Variants in ZNF487 observed in about 807,000 individuals in gnomAD.
The protein encoded by ZNF487 is zinc finger protein 487.
ZNF487 carries 4 observed loss-of-function variants against 3.0 expected under a neutral mutation model. The observed-to-expected ratio is 1.35, with a 90% CI of 0.66 to 3.08. ZNF487 has a LOEUF of 3.08. Among genes scored for constraint, ZNF487 ranks in the 30% most tolerant of loss-of-function variants. The pLI, the probability that ZNF487 is intolerant of heterozygous loss-of-function variation, is 0.01. For synonymous variants in ZNF487, 55 were observed against 34.6 expected, an observed-to-expected ratio of 1.59 and a Z score of -2.06; for missense variants, 146 against 98.7, an observed-to-expected ratio of 1.48 and a Z score of -2.03.
the ZNF487 span, among the ~76,000 whole-genome samples, chr10:43,508,931 G>A: frequency 4.6e-3 from 706 of 152,160 alleles, 3 homozygotes; most frequent in Middle Eastern, 0.02. Flanking sequence ...TTAAGGCTGG[G>A]CACGGTGGCT....
intron 1 of ZNF487, among the ~76,000 whole-genome samples, chr10:43,447,943 G>T (rs571292636): frequency 6.6e-6 from 1 of 151,664 alleles, no homozygotes; most frequent in South Asian, 2.1e-4. Flanking sequence ...CTATCTCTTA[G>T]GGATTACTCT....
chr10:43,466,048 C>T (rs773347712), intron 1 of ZNF487, among the ~76,000 whole-genome samples: 2 of 152,176 alleles, frequency 1.3e-5, no homozygotes, highest in East Asian at 3.9e-4. Flanking sequence ...ACCAGTCAGG[C>T]GTGGCGGTGC....
chr10:43,491,636 A>G, the ZNF487 span, among the ~76,000 whole-genome samples: 1 of 151,598 alleles, frequency 6.6e-6, no homozygotes, highest in African/African-American at 2.4e-5. Flanking sequence ...CTTTCTTTGC[A>G]CTTCCCAGTC....
At chr10:43,493,708 AAATAT>A in the ZNF487 span, among the ~76,000 whole-genome samples, 20 of 43,884 alleles carry the variant, frequency 4.6e-4, no homozygotes, top group South Asian at 1.2e-3. Flanking sequence ...AAAAAAAAAA[AAATAT>A]ATATATATAT....
At chr10:43,497,907 C>T in the ZNF487 span, among the ~76,000 whole-genome samples, 3 of 149,132 alleles carry the variant, frequency 2.0e-5, no homozygotes, top group Non-Finnish European at 4.4e-5. Flanking sequence ...GCAGAGCTTG[C>T]AGCGAGCCGA....
the ZNF487 span, among the ~76,000 whole-genome samples, chr10:43,498,114 C>CTTTTTTT: frequency 1.1e-3 from 26 of 24,616 alleles, 1 homozygote; most frequent in Non-Finnish European, 1.2e-3. Context: ...TTTTTTTTTT[C>CTTTTTTT]TTTTTTTTTT....
chr10:43,501,559 G>A, the ZNF487 span, among the ~76,000 whole-genome samples: 1 of 151,986 alleles, frequency 6.6e-6, no homozygotes, highest in Non-Finnish European at 1.5e-5. Flanking sequence ...GGTCAACATG[G>A]CGAAACCCCA....
chr10:43,520,520 A>G, the ZNF487 span, among the ~76,000 whole-genome samples: 2 of 152,222 alleles, frequency 1.3e-5, no homozygotes, highest in African/African-American at 4.8e-5. Context: ...ATTTAAAAGA[A>G]ATCGGAGATA....
chr10:43,478,969 G>A (rs933836042), intron 3 of ZNF487, among the ~76,000 whole-genome samples: 11 of 147,168 alleles, frequency 7.5e-5, no homozygotes, highest in African/African-American at 2.0e-4. Context: ...TGCAGTAGCC[G>A]ATCTCTTTTG....
At chr10:43,520,717 T>C in the ZNF487 span, among the ~76,000 whole-genome samples, 2 of 152,232 alleles carry the variant, frequency 1.3e-5, no homozygotes, top group Non-Finnish European at 2.9e-5. Context: ...TATTATGGGA[T>C]AATAGCTATT....
the ZNF487 span, among the ~76,000 whole-genome samples, chr10:43,506,013 A>C: frequency 2.7e-4 from 41 of 152,332 alleles, no homozygotes; most frequent in Non-Finnish European, 7.4e-5. Context: ...ACTGACTTTT[A>C]TGTTTGCCTG....
At chr10:43,453,061 G>C (rs1840061138) in intron 1 of ZNF487, 1 of 151,984 alleles carries the variant, frequency 6.6e-6, no homozygotes, top group Non-Finnish European at 1.5e-5. Flanking sequence ...GTAGAGTTGG[G>C]GATGTGAAAA....
rs1046968973 is a variant in ZNF487, at chr10:43,437,172, C to T, written c.-184C>T. The stretch of plus-strand genomic sequence containing the variant: ...AACAAGCCTGTAAGTTCCTCAGCTA[C>T]GACTACCAGGTACCTCGGGTTCCTC... On this transcript the variant is annotated 5_prime_UTR_variant, in exon 1 of 4. The change creates a new upstream start codon in the 5' untranslated region. Transcript: ENST00000437590. 25 of 268,750 alleles carry T rather than the reference C, an allele frequency of 9.3e-5. No homozygotes were observed. Among genetic ancestry groups the T allele is most frequent in the Admixed American group, 6.5e-4 (11 of 17,018 alleles). 16.6% of individuals were successfully genotyped at this position (268,750 alleles called of 1,614,324 possible).
chr10:43,470,331 A>G (rs1013383304), intron 1 of ZNF487, among the ~76,000 whole-genome samples: 2 of 151,044 alleles, frequency 1.3e-5, no homozygotes, highest in Non-Finnish European at 2.9e-5. Context: ...CTCCCACCTT[A>G]GCCTCCTGAG....
rs59946114 is a variant in ZNF487 at position 43,478,156 on chromosome 10, A to C, written c.130+1954A>C. ...TTATATAGGCTCAGTGCAGTGGCTCACTGCTGTAATCCCAGCACTTCGGGA... is the reference window on the plus strand; with the variant it reads ...TTATATAGGCTCAGTGCAGTGGCTCCCTGCTGTAATCCCAGCACTTCGGGA... On this transcript the variant is annotated intron_variant, in intron 3 of 3. Transcript: ENST00000437590. Among the ~76,000 whole-genome samples, 931 of 152,322 alleles carry C rather than the reference A, an allele frequency of 6.1e-3. 9 individuals carry two copies. The highest frequency in any genetic ancestry group is 0.018 in the African/African-American group (738 of 41,572).
the ZNF487 span, among the ~76,000 whole-genome samples, chr10:43,489,543 G>A: frequency 4.6e-5 from 7 of 151,876 alleles, no homozygotes; most frequent in African/African-American, 1.5e-4. Context: ...TAGTAGAGAC[G>A]GGGTTTTACC....
chr10:43,482,773 T>C lies in ZNF487; in HGVS notation c.*851T>C, dbSNP rs1841413645. The C allele has an allele frequency of 2.1e-6, 1 of 482,006 alleles. No individual in the cohort carries two copies. Among genetic ancestry groups the C allele is most frequent in the Non-Finnish European group, 4.2e-6 (1 of 236,654 alleles). The allele number at this position is 482,006 out of a possible 1,614,324, so 29.9% of individuals were successfully genotyped here. A position where few individuals can be genotyped will look rare whatever the true frequency, so the allele number is the denominator to read the frequency against. On this transcript the variant is annotated 3_prime_UTR_variant, in exon 4 of 4. Coordinates refer to ENST00000437590, the MANE Select transcript of ZNF487 (RefSeq NM_001355444.3). The stretch of plus-strand genomic sequence containing the variant: ...GAATGCAATGAATGTCAAAAATCCT[T>C]CTCTGTGAAGTCAAAACTTAGAGAA...
At chr10:43,476,671 A>G (rs1841111552) in intron 3 of ZNF487, among the ~76,000 whole-genome samples, 1 of 152,136 alleles carries the variant, frequency 6.6e-6, no homozygotes, top group Admixed American at 6.6e-5. Context: ...TCAGTAGTTT[A>G]ATAAACACAG....
At chr10:43,473,634 T>G (rs887239409) in intron 1 of ZNF487, among the ~76,000 whole-genome samples, 9 of 152,102 alleles carry the variant, frequency 5.9e-5, no homozygotes, top group African/African-American at 1.9e-4. Flanking sequence ...TTCTCCTGCC[T>G]CAGCCTCCTG....
Sources: allele counts gnomAD v4.1 joint callset (sites outside exome capture counted in the v4.1 genomes callset), GRCh38; gene constraint gnomAD v4.1.1; transcripts MANE v1.5; gene names NCBI Gene and HGNC (gene_info 2026-07-23, HGNC 2026-07-21).